The following ZNF804B variants were observed in gnomAD, a reference collection of about 807,000 sequenced individuals.
ZNF804B encodes zinc finger 804B.
In ZNF804B, 80 loss-of-function variants were observed where a neutral mutation model predicts 101.4. That is an observed-to-expected ratio of 0.79 (90% CI 0.66 to 0.95). ZNF804B has a LOEUF of 0.95. ZNF804B is among the 40% of genes least tolerant of loss of function. ZNF804B has a pLI of 0.00. For synonymous variants in ZNF804B, 622 were observed against 558.8 expected (o/e 1.11, Z -1.59); for missense variants, 1,673 against 1,561.9 (o/e 1.07, Z -1.20).
rs1562920295 is a variant in ZNF804B at position 89,220,047 on chromosome 7, A to ATATATATGCACATATATATGTGTG, written c.249+1758_249+1759insTGCACATATATATGTGTGTATATA. Among the ~76,000 whole-genome samples, 16 of 38,768 alleles carry ATATATATGCACATATATATGTGTG rather than the reference A, an allele frequency of 4.1e-4. 1 individual carries two copies. Among genetic ancestry groups the ATATATATGCACATATATATGTGTG allele is most frequent in the Middle Eastern group, 0.019 (1 of 52 alleles). 25.4% of individuals were successfully genotyped at this position (38,768 alleles called of 152,430 possible). A position where few individuals can be genotyped will look rare whatever the true frequency, so the allele number is the denominator to read the frequency against. On this transcript the variant is annotated intron_variant, in intron 2 of 3. Transcript: ENST00000333190. ...CATATATATACGCACATATATGTGC[A>ATATATATGCACATATATATGTGTG]TATATACATATATACGCACATATAT...
chr7:89,010,758 A>G (rs1194163018), intron 1 of ZNF804B, among the ~76,000 whole-genome samples: 2 of 152,194 alleles, frequency 1.3e-5, no homozygotes, highest in African/African-American at 2.4e-5. Context: ...TTATAAAGCA[A>G]ACATTATTTT....
At chr7:88,786,173 C>T (rs1168227175) in intron 1 of ZNF804B, among the ~76,000 whole-genome samples, 1 of 152,040 alleles carries the variant, frequency 6.6e-6, no homozygotes, top group East Asian at 1.9e-4. Context: ...ACTCCCAGTA[C>T]CATTTGAGAG....
At chr7:89,175,306 T>A (rs1401823415) in intron 1 of ZNF804B, among the ~76,000 whole-genome samples, 1 of 96,334 alleles carries the variant, frequency 1.0e-5, no homozygotes, top group Non-Finnish European at 2.6e-5. Flanking sequence ...GATATCCAAT[T>A]TTCTCAGCAC....
At chr7:88,814,231 C>G (rs1017335546) in intron 1 of ZNF804B, among the ~76,000 whole-genome samples, 1 of 151,938 alleles carries the variant, frequency 6.6e-6, no homozygotes, top group African/African-American at 2.4e-5. Context: ...ATACATGTTT[C>G]CAAAGATCAA....
At chr7:89,206,261 T>G (rs995635277) in intron 1 of ZNF804B, among the ~76,000 whole-genome samples, 3 of 149,142 alleles carry the variant, frequency 2.0e-5, no homozygotes, top group Admixed American at 6.7e-5. Context: ...CCTGGAGAGG[T>G]TTTTCCCATG....
At chr7:89,282,305 T>A (rs1287626823) in intron 2 of ZNF804B, among the ~76,000 whole-genome samples, 25 of 151,908 alleles carry the variant, frequency 1.6e-4, no homozygotes, top group Admixed American at 1.6e-3. Context: ...TTCATGACTA[T>A]GAAATGACAC....
chr7:89,034,461 T>G (rs1033322590), intron 1 of ZNF804B, among the ~76,000 whole-genome samples: 3 of 152,024 alleles, frequency 2.0e-5, no homozygotes, highest in Non-Finnish European at 4.4e-5. Context: ...CCATGTGTTC[T>G]CATTGTTTAA....
At chr7:89,181,227 A>G (rs1359497189) in intron 1 of ZNF804B, among the ~76,000 whole-genome samples, 1 of 151,958 alleles carries the variant, frequency 6.6e-6, no homozygotes. Flanking sequence ...GTGAACCCCA[A>G]GTCCACTGAC....
chr7:89,270,680 G>C (rs919015239), intron 2 of ZNF804B, among the ~76,000 whole-genome samples: 2 of 152,112 alleles, frequency 1.3e-5, no homozygotes, highest in Non-Finnish European at 2.9e-5. Flanking sequence ...TCATGATATT[G>C]ATTCTTCCTA....
At chr7:89,232,894 C>G (rs551485599) in intron 2 of ZNF804B, among the ~76,000 whole-genome samples, 1 of 151,850 alleles carries the variant, frequency 6.6e-6, no homozygotes, top group African/African-American at 2.4e-5. Context: ...AATATACTTT[C>G]TCCTTATTTT....
At chr7:89,200,807 C>G (rs1480646813) in intron 1 of ZNF804B, among the ~76,000 whole-genome samples, 1 of 151,974 alleles carries the variant, frequency 6.6e-6, no homozygotes, top group Non-Finnish European at 1.5e-5. Context: ...CATTCATTTT[C>G]TTTTTTACCC....
At chr7:89,118,114 A>G (rs1049945372) in intron 1 of ZNF804B, among the ~76,000 whole-genome samples, 1 of 152,158 alleles carries the variant, frequency 6.6e-6, no homozygotes, top group Non-Finnish European at 1.5e-5. Context: ...CACATCCTGA[A>G]AACTAACTGA....
At chr7:89,004,363 A>G (rs1788339531) in intron 1 of ZNF804B, among the ~76,000 whole-genome samples, 1 of 151,898 alleles carries the variant, frequency 6.6e-6, no homozygotes, top group African/African-American at 2.4e-5. Flanking sequence ...AGTTATTCAT[A>G]TAAAGTATGA....
intron 1 of ZNF804B, among the ~76,000 whole-genome samples, chr7:88,968,256 A>G (rs1231440637): frequency 6.6e-6 from 1 of 151,554 alleles, no homozygotes; most frequent in Admixed American, 6.6e-5. Context: ...GTCCTTTTTT[A>G]AGCGATAACT....
chr7:89,041,910 C>A (rs1365115507), intron 1 of ZNF804B, among the ~76,000 whole-genome samples: 1 of 152,162 alleles, frequency 6.6e-6, no homozygotes, highest in Non-Finnish European at 1.5e-5. Context: ...GTAAGGGAAT[C>A]AGCACTGCAA....
chr7:89,116,438 C>G (rs1051234447), intron 1 of ZNF804B, among the ~76,000 whole-genome samples: 1 of 152,128 alleles, frequency 6.6e-6, no homozygotes, highest in Non-Finnish European at 1.5e-5. Context: ...GTCTCCATTT[C>G]TATATTTGTC....
chr7:89,311,996 T>C (rs1360838469), intron 2 of ZNF804B, among the ~76,000 whole-genome samples: 1 of 152,114 alleles, frequency 6.6e-6, no homozygotes, highest in Non-Finnish European at 1.5e-5. Context: ...CGGTAATGCC[T>C]CAGAGGTAGT....
At chr7:89,107,536 A>G (rs1487021571) in intron 1 of ZNF804B, among the ~76,000 whole-genome samples, 2 of 152,196 alleles carry the variant, frequency 1.3e-5, no homozygotes, top group Non-Finnish European at 2.9e-5. Context: ...ACATCTTTTT[A>G]GGATTCTAAG....
intron 1 of ZNF804B, among the ~76,000 whole-genome samples, chr7:89,162,941 C>T (rs558726546): frequency 1.9e-4 from 28 of 145,880 alleles, no homozygotes; most frequent in Admixed American, 1.0e-3. Flanking sequence ...TTTTGTTCTT[C>T]CGATAGTTTA....
Sources: gnomAD v4.1 joint callset for allele counts (sites outside exome capture counted in the v4.1 genomes callset) on GRCh38, gnomAD v4.1.1 for gene constraint, MANE v1.5 for transcripts, NCBI Gene and HGNC (gene_info 2026-07-23, HGNC 2026-07-21) for gene names.